GAN: variants seen among roughly 807,000 people sequenced by gnomAD.
The protein encoded by GAN is gigaxonin.
A neutral mutation model predicts 71.3 loss-of-function variants in GAN; 48 were observed. The ratio of observed to expected loss-of-function variants is 0.67; its 90% CI spans 0.53 to 0.86. The LOEUF is 0.86. Ranked by LOEUF, GAN falls within the 40% of genes least tolerant of loss-of-function variation. GAN has a pLI of 0.00. For missense variants in GAN, 928 were observed against 770.1 expected, an observed-to-expected ratio of 1.21 and a Z score of -2.43; for synonymous variants, 386 against 276.8, an observed-to-expected ratio of 1.39 and a Z score of -3.92.
rs1334130188 is a variant in GAN, at chr16:81,378,708, C to T, written c.*1112C>T. 3 of 152,564 alleles carry T rather than the reference C, an allele frequency of 2.0e-5. No individual in the cohort carries two copies. The highest frequency in any genetic ancestry group is 4.1e-4 in the South Asian group (2 of 4,836). 9.5% of individuals were successfully genotyped at this position (152,564 alleles called of 1,614,324 possible). On this transcript the variant is annotated 3_prime_UTR_variant, in exon 11 of 11. Coordinates refer to ENST00000648994, the MANE Select transcript of GAN (RefSeq NM_022041.4). The stretch of plus-strand genomic sequence containing the variant: ...TGAGAGTTTTAGACAAATTATGTTA[C>T]GAGTAAAGTTTGGCTGGTAGAATAA...
intron 3 of GAN, 66 bp downstream of exon 3, chr16:81,354,821 T>G: frequency 1.1e-6 from 1 of 931,350 alleles, no homozygotes; most frequent in South Asian, 1.4e-5. Context: ...ATTTTAGTTG[T>G]TTTATTTTTC....
At chr16:81,345,882 C>A (rs1466766141) in intron 1 of GAN, among the ~76,000 whole-genome samples, 1 of 152,202 alleles carries the variant, frequency 6.6e-6, no homozygotes, top group Non-Finnish European at 1.5e-5. Context: ...AACCGTTCCA[C>A]CTCAGATCAT....
chr16:81,323,529 A>G (rs1909285061), intron 1 of GAN, among the ~76,000 whole-genome samples: 1 of 152,234 alleles, frequency 6.6e-6, no homozygotes. Context: ...TGTGTTTACC[A>G]ATAATAGATT....
At chr16:81,350,442 A>G (rs1910261933) in intron 1 of GAN, among the ~76,000 whole-genome samples, 1 of 152,214 alleles carries the variant, frequency 6.6e-6, no homozygotes. Context: ...CCTACTATGG[A>G]GAATAAGTAG....
chr16:81,376,465 A>ATGTGTGTGTGTGTGTG (rs56782049), intron 9 of GAN, among the ~76,000 whole-genome samples: 51 of 127,086 alleles, frequency 4.0e-4, no homozygotes, highest in East Asian at 9.6e-4. Flanking sequence ...ATACATACAT[A>ATGTGTGTGTGTGTGTG]TGTGTGTGTG....
intron 5 of GAN, among the ~76,000 whole-genome samples, chr16:81,361,638 A>G (rs1910675942): frequency 6.6e-6 from 1 of 152,160 alleles, no homozygotes. Context: ...GTAGGTCCTA[A>G]TTTTCCCTTC....
Position 81,365,057 on chromosome 16 carries a change from T to G in GAN, c.1320T>G (p.Cys440Trp). The G allele has an allele frequency of 6.2e-7, 1 of 1,613,816 alleles. No homozygotes were observed. Among genetic ancestry groups the G allele is most frequent in the South Asian group, 1.1e-5 (1 of 91,076 alleles). Residue 440 changes from cysteine (C) to tryptophan (W), a missense_variant, in exon 8 of 11, where the codon TGT (cysteine) becomes TGG (tryptophan). Physicochemically the swap from Cys to Trp is radical, Grantham distance 215. Coordinates refer to ENST00000648994, the MANE Select transcript of GAN (RefSeq NM_022041.4). Reference protein sequence around the residue: ...SYGKLFESVECYDPRTQQWTA... With the variant: ...SYGKLFESVEWYDPRTQQWTA... ...GAAAGCTTTTTGAGTCTGTAGAGTGTTATGATCCCAGGACCCAGCAGTGGA... is the reference window on the plus strand; with the variant it reads ...GAAAGCTTTTTGAGTCTGTAGAGTGGTATGATCCCAGGACCCAGCAGTGGA...
intron 1 of GAN, among the ~76,000 whole-genome samples, chr16:81,343,666 G>C (rs542955442): frequency 1.2e-4 from 18 of 152,264 alleles, no homozygotes; most frequent in African/African-American, 4.1e-4. Flanking sequence ...ATATCATCCT[G>C]AATGGGCAAA....
intron 1 of GAN, among the ~76,000 whole-genome samples, chr16:81,347,365 T>C (rs935264309): frequency 1.3e-5 from 2 of 152,248 alleles, no homozygotes; most frequent in Non-Finnish European, 2.9e-5. Flanking sequence ...ATGTTAAAGA[T>C]GTACAAGGGC....
chr16:81,356,209 T>G (rs1283731052), intron 3 of GAN, among the ~76,000 whole-genome samples: 1 of 150,968 alleles, frequency 6.6e-6, no homozygotes, highest in Non-Finnish European at 1.5e-5. Context: ...AATACTTTCG[T>G]CAGTTCAAAT....
In GAN at chr16:81,318,359, T is replaced by A. The variant is rs554122275; in HGVS notation, c.167+3079T>A. Among the ~76,000 whole-genome samples the A allele has an allele frequency of 6.2e-3, 941 of 152,292 alleles. 6 individuals are homozygous for A. Among genetic ancestry groups the A allele is most frequent in the Non-Finnish European group, 0.012 (789 of 68,016 alleles). The stretch of plus-strand genomic sequence containing the variant: ...ACTGTCATAAGTGGTTGTGTGATTG[T>A]GTGGTTTAGAAGCAGTGGTATGGCC... On this transcript the variant is annotated intron_variant, in intron 1 of 10. Coordinates refer to ENST00000648994, the MANE Select transcript of GAN (RefSeq NM_022041.4).
chr16:81,332,722 C>G (rs560007571), intron 1 of GAN, among the ~76,000 whole-genome samples: 2 of 152,298 alleles, frequency 1.3e-5, no homozygotes, highest in Non-Finnish European at 2.9e-5. Flanking sequence ...CTTTCATGAC[C>G]ACAGCTCTTC....
At chr16:81,333,672 G>T (rs1305165638) in intron 1 of GAN, among the ~76,000 whole-genome samples, 1 of 152,186 alleles carries the variant, frequency 6.6e-6, no homozygotes, top group Non-Finnish European at 1.5e-5. Flanking sequence ...AAGTTTGTCA[G>T]TTCCTCAAGG....
intron 1 of GAN, among the ~76,000 whole-genome samples, chr16:81,332,161 CAAAAAAA>C (rs397855942): frequency 1.6e-5 from 1 of 60,676 alleles, no homozygotes; most frequent in African/African-American, 7.4e-5. Context: ...AAATCTGTCT[CAAAAAAA>C]AAAAAAAAGA....
chr16:81,325,043 A>G (rs1210184599), intron 1 of GAN, among the ~76,000 whole-genome samples: 1 of 118,834 alleles, frequency 8.4e-6, no homozygotes, highest in African/African-American at 2.6e-5. Context: ...GATGGCTCCC[A>G]GGCAGGGATG....
At chr16:81,374,791 C>T (rs1410797515) in intron 9 of GAN, among the ~76,000 whole-genome samples, 2 of 152,316 alleles carry the variant, frequency 1.3e-5, no homozygotes, top group South Asian at 2.1e-4. Flanking sequence ...TGGGATCAAG[C>T]ACTTCTTCAT....
chr16:81,353,292 A>AAAAAAAAAAAAAAAAAAAAAAAAAAAAAC (rs1567490930), intron 2 of GAN, among the ~76,000 whole-genome samples: 1 of 3,120 alleles, frequency 3.2e-4, no homozygotes, highest in African/African-American at 1.0e-3. Flanking sequence ...ACTCCGTCTC[A>AAAAAAAAAAAAAAAAAAAAAAAAAAAAAC]AAAAAAAAAA....
In GAN at chr16:81,365,370, G is replaced by T; in HGVS notation, c.1394G>T (p.Gly465Val). 6.2e-7 allele frequency: 1 copy of T among 1,613,808 alleles called. No homozygotes were observed. Among genetic ancestry groups the T allele is most frequent in the Non-Finnish European group, 8.5e-7 (1 of 1,179,970 alleles). The change falls in exon 9 of 11, where the codon GGA (glycine) becomes GTA (valine). Residue 465 changes from glycine (G) to valine (V), a missense_variant. By Grantham distance (109) the Gly-to-Val change is moderately radical. Transcript: ENST00000648994. ...TTCAGGTTTGGAGCGGTGGCCTGTG[G>T]AGTTGCTATGGAGCTGTATGTGTTT... ...KERRFGAVAC[G>V]VAMELYVFGG...
intron 9 of GAN, 123 bp from the exon 10 acceptor site, chr16:81,377,096 G>C (rs1904284002): frequency 1.3e-6 from 1 of 776,180 alleles, no homozygotes; most frequent in Non-Finnish European, 2.4e-6. Context: ...GTGGAACGTG[G>C]GGTCGAGATT....
Sources: gnomAD v4.1 joint callset for allele counts (sites outside exome capture counted in the v4.1 genomes callset) on GRCh38, gnomAD v4.1.1 for gene constraint, MANE v1.5 for transcripts, NCBI Gene and HGNC (gene_info 2026-07-23, HGNC 2026-07-21) for gene names.